The following PRL variants were observed in gnomAD, a reference collection of about 807,000 sequenced individuals.
PRL encodes the protein prolactin.
A neutral mutation model predicts 21.3 loss-of-function variants in PRL; 24 were observed. That is an observed-to-expected ratio of 1.13 (90% CI 0.82 to 1.59). The LOEUF is 1.59. PRL is among the 40% of genes most tolerant of loss of function. The pLI is 0.00. For missense variants in PRL, 243 were observed against 286.9 expected, an observed-to-expected ratio of 0.85 and a Z score of 1.10; for synonymous variants, 118 against 115.7, an observed-to-expected ratio of 1.02 and a Z score of -0.13.
intron 4 of PRL, 136 bp from the exon 5 acceptor site, chr6:22,287,729 A>G (rs1652292752): frequency 1.3e-6 from 1 of 782,688 alleles, no homozygotes; most frequent in East Asian, 2.8e-5. Context: ...TGATTTTTGT[A>G]TATCTGGGCC....
chr6:22,290,633 T>A (rs1412721638), intron 3 of PRL, among the ~76,000 whole-genome samples: 1 of 152,210 alleles, frequency 6.6e-6, no homozygotes, highest in Non-Finnish European at 1.5e-5. Flanking sequence ...CCTCTGAAAT[T>A]CTACCATCTG....
Position 22,287,567 on chromosome 6 carries a change from C to G in PRL, c.519G>C (p.Glu173Asp). The G allele has an allele frequency of 2.5e-6, 4 of 1,609,866 alleles. No homozygotes were observed. Among genetic ancestry groups the G allele is most frequent in the Non-Finnish European group, 3.4e-6 (4 of 1,177,792 alleles). Residue 173 changes from glutamate to aspartate, a missense_variant, in exon 5 of 5, where the codon GAG (glutamate) becomes GAC (aspartate). Transcript: ENST00000306482. ...SQVHPETKEN[E>D]IYPVWSGLPS... The stretch of plus-strand genomic sequence containing the variant: ...GAAGTCCCGACCAGACAGGGTAGAT[C>G]TCATTTTCTTTGGTTTCAGGATGAA...
At chr6:22,293,519 A>G (rs1315279258) in intron 2 of PRL, among the ~76,000 whole-genome samples, 1 of 151,954 alleles carries the variant, frequency 6.6e-6, no homozygotes, top group African/African-American at 2.4e-5. Flanking sequence ...GAGTTAACCT[A>G]TGATTTCCAA....
chr6:22,298,400 G>T (rs1302227095), upstream of PRL, among the ~76,000 whole-genome samples: 1 of 152,098 alleles, frequency 6.6e-6, no homozygotes, highest in Non-Finnish European at 1.5e-5. Context: ...TTTCAAATTT[G>T]CTGTCTCTTA....
intron 2 of PRL, among the ~76,000 whole-genome samples, chr6:22,293,678 G>A (rs2655425): frequency 0.43 from 16,230 of 37,592 alleles, 3,623 homozygotes; most frequent in East Asian, 0.51. Context: ...AAGGAGGGAA[G>A]GAAGGAAAAA....
intron 3 of PRL, among the ~76,000 whole-genome samples, chr6:22,291,281 A>G (rs1172246446): frequency 6.6e-6 from 1 of 152,186 alleles, no homozygotes. Context: ...TTTTTCTGGG[A>G]GCATTGCAAC....
Position 22,294,447 on chromosome 6 carries a change from A to G in PRL, c.166T>C (p.Tyr56His). Residue 56 changes from tyrosine (Y) to histidine (H), a missense_variant, in exon 2 of 5, where the codon TAC becomes CAC. Transcript: ENST00000306482. ...LFDRAVVLSHYIHNLSSEMFS... is the reference protein window; with the variant it reads ...LFDRAVVLSHHIHNLSSEMFS... ...ATTTCTGAGGAGAGGTTATGGATGT[A>G]GTGGGACAGGACGACGGCGCGGTCA... is the stretch of plus-strand genomic sequence containing the variant. 3.7e-6 allele frequency: 6 copies of G among 1,614,180 alleles called. No individual in the cohort carries two copies. The highest frequency in any genetic ancestry group is 5.1e-6 in the Non-Finnish European group (6 of 1,180,042).
chr6:22,297,881 A>G (rs900945673), upstream of PRL, among the ~76,000 whole-genome samples: 4 of 152,214 alleles, frequency 2.6e-5, no homozygotes, highest in Non-Finnish European at 5.9e-5. Flanking sequence ...TAATAATTCT[A>G]TAGTTGAGTT....
At chr6:22,293,813 A>AGG (rs1253498641) in intron 2 of PRL, among the ~76,000 whole-genome samples, 1 of 151,440 alleles carries the variant, frequency 6.6e-6, no homozygotes, top group African/African-American at 2.4e-5. Context: ...GGAAGGAAGG[A>AGG]AGGAAGGGAG....
chr6:22,292,490 A>G (rs1761070127), intron 3 of PRL, 48 bp downstream of exon 3: 1 of 1,536,012 alleles, frequency 6.5e-7, no homozygotes, highest in Non-Finnish European at 9.0e-7. Flanking sequence ...GATAATACCC[A>G]TATACTGCCT....
At chr6:22,300,034 T>C (rs893130824), upstream of PRL, among the ~76,000 whole-genome samples, 24 of 152,184 alleles carry the variant, frequency 1.6e-4, no homozygotes, top group African/African-American at 5.8e-4. Context: ...AGGAGTATTG[T>C]CTATGAATTG....
chr6:22,294,367 T>C, intron 2 of PRL, 42 bp downstream of exon 2: 1 of 1,610,534 alleles, frequency 6.2e-7, no homozygotes, highest in South Asian at 1.1e-5. Flanking sequence ...GTAGTTCATG[T>C]GAAGGCTCCT....
In PRL at chr6:22,287,591, A is replaced by T. The variant is rs1415204937; in HGVS notation, c.495T>A (p.Val165=). The stretch of plus-strand genomic sequence containing the variant: ...TCTCATTTTCTTTGGTTTCAGGATG[A>T]ACCTAATCACACAAAAAAAGAGTGA... The part of the protein sequence containing the change: ...LEGMELIVSQ[V]HPETKENEIY... The change falls in exon 5 of 5, where the codon GTT becomes GTA. Residue 165 remains valine, a splice_region_variant and synonymous_variant. Transcript: ENST00000306482. 2 of 1,590,032 alleles carry T rather than the reference A, an allele frequency of 1.3e-6. No individual in the cohort carries two copies. The highest frequency in any genetic ancestry group is 1.7e-6 in the Non-Finnish European group (2 of 1,164,916).
upstream of PRL, chr6:22,297,046 T>C (rs1761194824): frequency 1.9e-6 from 3 of 1,562,676 alleles, no homozygotes; most frequent in South Asian, 2.3e-5. Flanking sequence ...CGGTTTTCTC[T>C]TTCCCAGATA....
intron 1 of PRL, 86 bp from the exon 2 acceptor site, chr6:22,294,670 G>C (rs1381355154): frequency 2.2e-6 from 3 of 1,394,986 alleles, no homozygotes; most frequent in Non-Finnish European, 2.9e-6. Context: ...AAGCCTTATT[G>C]CTCCCCACTG....
At chr6:22,290,077 G>A (rs1761013429) in intron 4 of PRL, 97 bp downstream of exon 4, 1 of 1,202,594 alleles carries the variant, frequency 8.3e-7, no homozygotes. Context: ...AATATGGAAT[G>A]CCTAAATTTC....
At chr6:22,299,366 T>C (rs1761241169), upstream of PRL, among the ~76,000 whole-genome samples, 1 of 152,232 alleles carries the variant, frequency 6.6e-6, no homozygotes, top group Admixed American at 6.5e-5. Context: ...GTTTAGTACC[T>C]GAAACTAATA....
intron 1 of PRL, among the ~76,000 whole-genome samples, chr6:22,295,544 C>A (rs1172081057): frequency 6.6e-6 from 1 of 152,164 alleles, no homozygotes; most frequent in Non-Finnish European, 1.5e-5. Flanking sequence ...CCCCAGAAAG[C>A]TTGATTTTCT....
At chr6:22,296,086 A>G (rs181930383) in intron 1 of PRL, among the ~76,000 whole-genome samples, 159 of 152,364 alleles carry the variant, frequency 1.0e-3, no homozygotes, top group African/African-American at 3.5e-3. Context: ...GTGTAAATAA[A>G]ATGTGCTTTG....
Sources: allele counts gnomAD v4.1 joint callset (sites outside exome capture counted in the v4.1 genomes callset), GRCh38; gene constraint gnomAD v4.1.1; transcripts MANE v1.5; gene names NCBI Gene and HGNC (gene_info 2026-07-23, HGNC 2026-07-21).